IDI2: variants seen among roughly 807,000 people sequenced by gnomAD.
IDI2 encodes the protein isopentenyl-diphosphate delta-isomerase 2.
In IDI2, 18 loss-of-function variants were observed where a neutral mutation model predicts 14.8. That is an observed-to-expected ratio of 1.22 (90% CI 0.84 to 1.80). IDI2 has a LOEUF of 1.80. Ranked by LOEUF, IDI2 falls within the 40% of genes most tolerant of loss-of-function variation. The pLI, the probability that IDI2 is intolerant of heterozygous loss-of-function variation, is 0.00. For synonymous variants in IDI2, 133 were observed against 109.6 expected (o/e 1.21, Z -1.33); for missense variants, 316 against 283.2 (o/e 1.12, Z -0.83).
chr10:1,022,589 G>C lies in IDI2; in HGVS notation c.235+94C>G, dbSNP rs896293186. Reference sequence around the variant, plus strand: ...ATGAGCTGCCAGCTCACCACAGTGCGGCACTGAGCACCAGAGAGTTCCTGT... The same window carrying C: ...ATGAGCTGCCAGCTCACCACAGTGCCGCACTGAGCACCAGAGAGTTCCTGT... On this transcript the variant is annotated intron_variant, in intron 3 of 4. Coordinates refer to ENST00000277517, the MANE Select transcript of IDI2 (RefSeq NM_033261.3). The C allele has an allele frequency of 3.2e-6, 3 of 939,894 alleles. No homozygotes were observed. In the African/African-American group the frequency reaches 4.8e-5, roughly 15 times the overall value. 58.2% of individuals were successfully genotyped at this position (939,894 alleles called of 1,614,324 possible).
Position 1,020,793 on chromosome 10 carries a change from C to G in IDI2, c.340G>C (p.Ala114Pro), listed in dbSNP as rs1489474380. The G allele has an allele frequency of 6.2e-7, 1 of 1,613,252 alleles. No homozygotes were observed. The highest frequency in any genetic ancestry group is 8.5e-7 in the Non-Finnish European group (1 of 1,179,704). ...VRRAAQRRLQAELGIPGEQIS... is the reference protein window; with the variant it reads ...VRRAAQRRLQPELGIPGEQIS... ...TGCTCCCCAGGAATTCCCAGCTCTG[C>G]TTGCAGACGCCTCTGGGCTGCCCTC... The change falls in exon 4 of 5, where the codon GCA (alanine) becomes CCA (proline). Residue 114 changes from alanine to proline, a missense_variant. Physicochemically the swap from Ala to Pro is conservative, Grantham distance 27. Coordinates refer to ENST00000277517, the MANE Select transcript of IDI2 (RefSeq NM_033261.3).
chr10:1,021,798 A>C (rs2132183974), intron 3 of IDI2, among the ~76,000 whole-genome samples: 1 of 152,330 alleles, frequency 6.6e-6, no homozygotes, highest in East Asian at 1.9e-4. Context: ...GGATGTACCC[A>C]CTGCGGCTCC....
chr10:1,024,556 G>C, intron 2 of IDI2, 26 bp downstream of exon 2: 1 of 1,613,174 alleles, frequency 6.2e-7, no homozygotes, highest in East Asian at 2.2e-5. Context: ...CCTGGGAACT[G>C]GACAGAGAAA....
rs761497457 is a variant in IDI2, at chr10:1,020,917, G to A, written c.236-20C>T. On this transcript the variant is annotated intron_variant, in intron 3 of 4. Transcript: ENST00000277517. ...AATACCCTGGAAAAAATGCATGTGGGAACATCCCTCTTTATTCCTGAAAAG... is the reference window on the plus strand; with the variant it reads ...AATACCCTGGAAAAAATGCATGTGGAAACATCCCTCTTTATTCCTGAAAAG... 84 of 1,603,784 alleles carry A rather than the reference G, an allele frequency of 5.2e-5. No individual in the cohort carries two copies. Among genetic ancestry groups the A allele is most frequent in the Non-Finnish European group, 7.0e-5 (82 of 1,175,656 alleles).
At position 1,022,729 on chromosome 10, in the gene IDI2, A is replaced by G. The variant is rs780346470; in HGVS notation, c.189T>C (p.Asn63=). 38 of 1,614,102 alleles carry G rather than the reference A, an allele frequency of 2.4e-5. No individual in the cohort carries two copies. Among genetic ancestry groups the G allele is most frequent in the Admixed American group, 2.2e-4 (13 of 60,014 alleles). ...CCGACCTCTGCTGTATCAGGATTCG[A>G]TTCTTGGTGTTAAACAAGACAACGC... ...AFSVVLFNTK[N]RILIQQRSDT... is the part of the protein sequence containing the mutation. Residue 63 remains asparagine (N), a synonymous_variant, in exon 3 of 5, where the codon AAT becomes AAC. Transcript: ENST00000277517.
At chr10:1,020,734 G>C in intron 4 of IDI2, 33 bp downstream of exon 4, 1 of 1,586,042 alleles carries the variant, frequency 6.3e-7, no homozygotes, top group Admixed American at 1.8e-5. Context: ...CTGGACTCCC[G>C]TGGACACAGC....
chr10:1,022,824 G>A (rs1832135283), intron 2 of IDI2, 49 bp from the exon 3 acceptor site: 7 of 1,376,706 alleles, frequency 5.1e-6, no homozygotes, highest in East Asian at 4.6e-5. Context: ...GAGTCTGTAC[G>A]ATTGTCCTTC....
In IDI2 at chr10:1,019,612, G is replaced by T. The variant is rs1239899884; in HGVS notation, c.589C>A (p.Leu197Ile). Reference protein sequence around the residue: ...ARGEVKVTPWLRTIAERFLYR... With the variant: ...ARGEVKVTPWIRTIAERFLYR... ...AGAAACCTCTCGGCAATGGTTCTTA[G>T]CCAGGGGGTGACTTTGACTTCACCC... The change falls in exon 5 of 5, where the codon CTA becomes ATA. Residue 197 changes from leucine (L) to isoleucine (I), a missense_variant. Coordinates refer to ENST00000277517, the MANE Select transcript of IDI2 (RefSeq NM_033261.3). The T allele has an allele frequency of 1.2e-6, 2 of 1,614,016 alleles. No individual in the cohort carries two copies. Among genetic ancestry groups the T allele is most frequent in the Non-Finnish European group, 8.5e-7 (1 of 1,179,998 alleles).
At chr10:1,024,964 G>C (rs1000983414) in intron 1 of IDI2, among the ~76,000 whole-genome samples, 2 of 149,052 alleles carry the variant, frequency 1.3e-5, no homozygotes, top group African/African-American at 2.5e-5. Flanking sequence ...TACTCCTCAT[G>C]TTTTCCAGGT....
At chr10:1,024,125 C>T (rs1832168032) in intron 2 of IDI2, among the ~76,000 whole-genome samples, 1 of 152,190 alleles carries the variant, frequency 6.6e-6, no homozygotes, top group African/African-American at 2.4e-5. Context: ...CTGCACACAA[C>T]ACCCAAGGAG....
chr10:1,023,193 G>C (rs964283000), intron 2 of IDI2, among the ~76,000 whole-genome samples: 1 of 152,054 alleles, frequency 6.6e-6, no homozygotes, highest in African/African-American at 2.4e-5. Context: ...GAATGAAATC[G>C]GGCCGGGTGC....
At chr10:1,023,830 C>G (rs1832162618) in intron 2 of IDI2, among the ~76,000 whole-genome samples, 1 of 152,076 alleles carries the variant, frequency 6.6e-6, no homozygotes, top group Non-Finnish European at 1.5e-5. Context: ...TGGAATGTTC[C>G]CAACACAAAG....
chr10:1,024,474 G>T, intron 2 of IDI2, 108 bp downstream of exon 2: 1 of 1,219,478 alleles, frequency 8.2e-7, no homozygotes, highest in Non-Finnish European at 1.2e-6. Context: ...AGGTGACCCA[G>T]TGGTCGCCTC....
In IDI2 at chr10:1,019,400, G is replaced by T; in HGVS notation, c.*117C>A. 3.0e-6 allele frequency: 2 copies of T among 675,930 alleles called. No individual in the cohort carries two copies. The highest frequency in any genetic ancestry group is 5.0e-6 in the Non-Finnish European group (2 of 402,102). 41.9% of individuals were successfully genotyped at this position (675,930 alleles called of 1,614,324 possible). A position where few individuals can be genotyped will look rare whatever the true frequency, so the allele number is the denominator to read the frequency against. On this transcript the variant is annotated 3_prime_UTR_variant, in exon 5 of 5. Coordinates refer to ENST00000277517, the MANE Select transcript of IDI2 (RefSeq NM_033261.3). ...AAGGTTGAAATAGTGATTTATACAT[G>T]ATGGGCAATCAAGTGCCCCTTTTGC...
rs1401524867 is a variant in IDI2 at position 1,019,565 on chromosome 10, C to T, written c.636G>A (p.Leu212=). 6.2e-7 allele frequency: 1 copy of T among 1,613,846 alleles called. No individual in the cohort carries two copies. The highest frequency in any genetic ancestry group is 8.5e-7 in the Non-Finnish European group (1 of 1,179,942). The part of the protein sequence containing the change: ...ERFLYRWWPH[L]DDVTPFVELH... ...GCTCCACAAACGGGGTCACGTCATCCAGGTGAGGCCACCACCGGTACAGAA... is the reference window on the plus strand; with the variant it reads ...GCTCCACAAACGGGGTCACGTCATCTAGGTGAGGCCACCACCGGTACAGAA... Residue 212 remains leucine, a synonymous_variant, in exon 5 of 5, where the codon CTG becomes CTA. Coordinates refer to ENST00000277517, the MANE Select transcript of IDI2 (RefSeq NM_033261.3).
rs145207446 is a variant in IDI2, at chr10:1,022,763, C to T, written c.155G>A (p.Arg52Gln). The T allele has an allele frequency of 2.1e-4, 334 of 1,613,750 alleles. No homozygotes were observed. The highest frequency in any genetic ancestry group is 2.5e-4 in the Non-Finnish European group (291 of 1,179,776). Residue 52 changes from arginine to glutamine, a missense_variant, in exon 3 of 5, where the codon CGA becomes CAA. Arg to Gln is a conservative substitution (Grantham distance 43). Coordinates refer to ENST00000277517, the MANE Select transcript of IDI2 (RefSeq NM_033261.3). ...NENIEKGLLH[R>Q]AFSVVLFNTK... ...GTTAAACAAGACAACGCTGAAGGCT[C>T]GGTGCAGCAGCCCTGCAAAGGTAAG...
At position 1,020,888 on chromosome 10, in the gene IDI2, G is replaced by A. The variant is rs771015666; in HGVS notation, c.245C>T (p.Thr82Ile). ...TAATGGGTGGCTACTACAGGAGTCG[G>A]TAAAATACCCTGGAAAAAATGCATG... ...DTKVTFPGYF[T>I]DSCSSHPLYN... is the part of the protein sequence containing the mutation. The change falls in exon 4 of 5, where the codon ACC becomes ATC. Residue 82 changes from threonine (T) to isoleucine (I), a missense_variant. Coordinates refer to ENST00000277517, the MANE Select transcript of IDI2 (RefSeq NM_033261.3). 13 of 1,610,798 alleles carry A rather than the reference G, an allele frequency of 8.1e-6. No homozygotes were observed. The Middle Eastern group carries it at 4.9e-4, about 61-fold the overall frequency.
intron 3 of IDI2, 113 bp downstream of exon 3, chr10:1,022,570 T>G: frequency 1.3e-6 from 1 of 785,510 alleles, no homozygotes; most frequent in Non-Finnish European, 2.2e-6. Context: ...CAGGATGAGC[T>G]GCCAGCTCAC....
In IDI2 at chr10:1,020,833, A is replaced by G. The variant is rs769334862; in HGVS notation, c.300T>C (p.Asp100=). Residue 100 remains aspartate, a synonymous_variant, in exon 4 of 5, where the codon GAT becomes GAC. Transcript: ENST00000277517. ...GGGCTGCCCTCCTCACTCCGATGGC[A>G]TCCTTTTCTTCCAGTTCTGCTGGGT... ...LYNPAELEEK[D]AIGVRRAAQR... 1.9e-5 allele frequency: 31 copies of G among 1,613,944 alleles called. No homozygotes were observed. Among genetic ancestry groups the G allele is most frequent in the Non-Finnish European group, 2.1e-5 (25 of 1,179,994 alleles).
Sources: gnomAD v4.1 joint callset for allele counts (sites outside exome capture counted in the v4.1 genomes callset) on GRCh38, gnomAD v4.1.1 for gene constraint, MANE v1.5 for transcripts, NCBI Gene and HGNC (gene_info 2026-07-23, HGNC 2026-07-21) for gene names.